The following UNC13C variants were observed in gnomAD, a reference collection of about 807,000 sequenced individuals.
The protein encoded by UNC13C is protein unc-13 homolog C.
UNC13C carries 174 observed loss-of-function variants against 245.4 expected under a neutral mutation model. The ratio of observed to expected loss-of-function variants is 0.71; its 90% CI spans 0.63 to 0.80. The LOEUF is 0.80. Ranked by LOEUF, UNC13C falls within the 30% of genes least tolerant of loss-of-function variation. The pLI, the probability that UNC13C is intolerant of heterozygous loss-of-function variation, is 0.00. For synonymous variants in UNC13C, 992 were observed against 895.1 expected, an observed-to-expected ratio of 1.11 and a Z score of -1.93; for missense variants, 2,829 against 2,602.9, an observed-to-expected ratio of 1.09 and a Z score of -1.89.
the UNC13C span, among the ~76,000 whole-genome samples, chr15:53,896,721 C>T: frequency 6.6e-6 from 1 of 152,140 alleles, no homozygotes; most frequent in African/African-American, 2.4e-5. Flanking sequence ...GGAGTGCCTG[C>T]TGTGGATTTT....
chr15:54,206,233 C>T (rs1015195685), intron 4 of UNC13C, among the ~76,000 whole-genome samples: 15 of 151,862 alleles, frequency 9.9e-5, no homozygotes, highest in Non-Finnish European at 1.9e-4. Context: ...AGTTTCTCTC[C>T]CTTCTCTTTG....
rs1895509385 is a variant in UNC13C at position 54,013,918 on chromosome 15, T to A, written c.1015T>A (p.Tyr339Asn). ...ERFEYVESVV[Y>N]QILIDKMGFS... ...ATTTGAATATGTTGAAAGCGTGGTG[T>A]ACCAAATTCTAATAGATAAAATGGG... Residue 339 changes from tyrosine to asparagine, a missense_variant, in exon 2 of 33, where the codon TAC becomes AAC. Tyr to Asn is a moderately radical substitution (Grantham distance 143, BLOSUM62 -2). Transcript: ENST00000260323. The A allele has an allele frequency of 1.2e-6, 2 of 1,612,988 alleles. No homozygotes were observed. The highest frequency in any genetic ancestry group is 2.7e-5 in the African/African-American group (2 of 74,826).
intron 7 of UNC13C, among the ~76,000 whole-genome samples, chr15:54,242,754 G>A (rs1389489548): frequency 1.3e-5 from 2 of 152,050 alleles, no homozygotes; most frequent in Non-Finnish European, 2.9e-5. Context: ...GTGAATAATA[G>A]TAATAATAAT....
chr15:54,034,238 AGT>A (rs1896480505), intron 2 of UNC13C, among the ~76,000 whole-genome samples: 1 of 152,154 alleles, frequency 6.6e-6, no homozygotes, highest in Admixed American at 6.5e-5. Context: ...TCTAGCTGTA[AGT>A]GTGTGTCTAC....
chr15:53,948,386 G>T, the UNC13C span: 1 of 152,118 alleles, frequency 6.6e-6, no homozygotes. Context: ...GTAGGCCGAG[G>T]GGGGCGGATC....
At chr15:54,071,759 T>G (rs1434095308) in intron 2 of UNC13C, among the ~76,000 whole-genome samples, 1 of 152,222 alleles carries the variant, frequency 6.6e-6, no homozygotes, top group Non-Finnish European at 1.5e-5. Context: ...AGTCATGCCC[T>G]TTTTCACGTT....
chr15:53,925,309 C>G, the UNC13C span, among the ~76,000 whole-genome samples: 26 of 152,172 alleles, frequency 1.7e-4, no homozygotes, highest in African/African-American at 5.8e-4. Context: ...AATTTAAATG[C>G]TATAGTCTAT....
chr15:53,853,886 G>T, the UNC13C span, among the ~76,000 whole-genome samples: 1 of 151,938 alleles, frequency 6.6e-6, no homozygotes, highest in East Asian at 1.9e-4. Flanking sequence ...TGTAGACTCT[G>T]GATATTAGAC....
At chr15:54,612,958 G>T (rs1056589897) in intron 30 of UNC13C, among the ~76,000 whole-genome samples, 12 of 151,806 alleles carry the variant, frequency 7.9e-5, no homozygotes, top group Admixed American at 3.9e-4. Context: ...TTAATTCAGT[G>T]GGGTCCTAAT....
chr15:54,100,461 C>G (rs546725671), intron 2 of UNC13C, among the ~76,000 whole-genome samples: 21 of 152,316 alleles, frequency 1.4e-4, no homozygotes, highest in African/African-American at 4.8e-4. Flanking sequence ...CTCCTGCATA[C>G]AAATTCTAAA....
intron 17 of UNC13C, among the ~76,000 whole-genome samples, chr15:54,391,384 A>G (rs2039953393): frequency 6.6e-6 from 1 of 152,080 alleles, no homozygotes; most frequent in Non-Finnish European, 1.5e-5. Flanking sequence ...AAATAATTAC[A>G]TTATAGTAGT....
At chr15:54,474,781 G>A (rs2414318) in intron 19 of UNC13C, among the ~76,000 whole-genome samples, 62,294 of 151,482 alleles carry the variant, frequency 0.41, 13,058 homozygotes, top group East Asian at 0.62. Context: ...TCTTCAGGCT[G>A]TACAAGAAGC....
rs2035652998 is a variant in UNC13C, at chr15:54,235,021, G to A, written c.3072-9G>A. ...CCATTGCAATTATTGGTTTTATTTTGTCTTTCAGGGCTGGAGGTGGACTTT... is the reference window on the plus strand; with the variant it reads ...CCATTGCAATTATTGGTTTTATTTTATCTTTCAGGGCTGGAGGTGGACTTT... On this transcript the variant is annotated splice_polypyrimidine_tract_variant and intron_variant, in intron 4 of 32. Transcript: ENST00000260323. 6.2e-7 allele frequency: 1 copy of A among 1,613,036 alleles called. No homozygotes were observed. Among genetic ancestry groups the A allele is most frequent in the Non-Finnish European group, 8.5e-7 (1 of 1,179,370 alleles).
At chr15:54,516,079 G>A (rs944329992) in intron 24 of UNC13C, among the ~76,000 whole-genome samples, 2 of 152,156 alleles carry the variant, frequency 1.3e-5, no homozygotes, top group Non-Finnish European at 2.9e-5. Flanking sequence ...GTGTCAACTA[G>A]AAATTGCATC....
chr15:53,926,997 G>C, the UNC13C span, among the ~76,000 whole-genome samples: 9 of 152,324 alleles, frequency 5.9e-5, no homozygotes, highest in African/African-American at 2.2e-4. Context: ...GTCTTAAGCA[G>C]ATAGATTGTC....
the UNC13C span, among the ~76,000 whole-genome samples, chr15:53,928,227 G>A: frequency 2.0e-5 from 3 of 152,136 alleles, no homozygotes; most frequent in Non-Finnish European, 2.9e-5. Flanking sequence ...CAGCAAACCA[G>A]TCATTAGCAT....
chr15:53,908,701 G>A, the UNC13C span, among the ~76,000 whole-genome samples: 8 of 121,978 alleles, frequency 6.6e-5, no homozygotes, highest in South Asian at 2.9e-4. Context: ...GCAGTGAGAC[G>A]AGATTGCACC....
intron 24 of UNC13C, among the ~76,000 whole-genome samples, chr15:54,525,061 G>T (rs1406094546): frequency 6.6e-6 from 1 of 151,930 alleles, no homozygotes; most frequent in African/African-American, 2.4e-5. Flanking sequence ...TCCAAAGTTG[G>T]GGAAATATGA....
chr15:54,081,714 A>G (rs888555139), intron 2 of UNC13C, among the ~76,000 whole-genome samples: 2 of 152,084 alleles, frequency 1.3e-5, no homozygotes, highest in African/African-American at 4.8e-5. Flanking sequence ...TGAAGGCAAC[A>G]GCAGGTTGAG....
Sources: allele counts gnomAD v4.1 joint callset (sites outside exome capture counted in the v4.1 genomes callset), GRCh38; gene constraint gnomAD v4.1.1; transcripts MANE v1.5; gene names NCBI Gene and HGNC (gene_info 2026-07-23, HGNC 2026-07-21).